FMNL2: variants seen among roughly 807,000 people sequenced by gnomAD.
FMNL2 encodes the protein formin like 2.
In FMNL2, 51 loss-of-function variants were observed where a neutral mutation model predicts 130.2. The observed-to-expected ratio is 0.39, with a 90% CI of 0.31 to 0.49. The LOEUF (loss-of-function observed/expected upper bound fraction) is 0.49, where lower values mean the gene tolerates loss of function less well. Ranked by LOEUF, FMNL2 falls within the 20% of genes least tolerant of loss-of-function variation. FMNL2 has a pLI of 0.85. For synonymous variants in FMNL2, 465 were observed against 467.1 expected, an observed-to-expected ratio of 1.00 and a Z score of 0.06; for missense variants, 977 against 1,316.2, an observed-to-expected ratio of 0.74 and a Z score of 3.99.
intron 2 of FMNL2, among the ~76,000 whole-genome samples, chr2:152,530,127 G>A (rs1410095086): frequency 6.6e-6 from 1 of 152,132 alleles, no homozygotes; most frequent in Non-Finnish European, 1.5e-5. Flanking sequence ...TGGTTGTCTT[G>A]TTTAAAGTAA....
intron 12 of FMNL2, among the ~76,000 whole-genome samples, chr2:152,616,704 C>T (rs1463322810): frequency 6.6e-6 from 1 of 152,168 alleles, no homozygotes; most frequent in Non-Finnish European, 1.5e-5. Context: ...ACCAAGTTTA[C>T]TGTGTTACCA....
At position 152,573,285 on chromosome 2, in the gene FMNL2, A is replaced by G. The variant is rs369241092; in HGVS notation, c.597-1851A>G. Among the ~76,000 whole-genome samples the G allele has an allele frequency of 1.9e-4, 29 of 152,210 alleles. No homozygotes were observed. The East Asian group carries it at 2.7e-3, about 14-fold the overall frequency. ...TTATTCAGGGTGAGAAATGACACCT[A>G]TCTAGGACTGAAGCAGAAAATGCTG... On this transcript the variant is annotated intron_variant, in intron 6 of 25. Transcript: ENST00000288670.
In FMNL2 at chr2:152,470,446, G is replaced by A. The variant is rs774048790; in HGVS notation, c.118-51497G>A. The stretch of plus-strand genomic sequence containing the variant: ...GATTGCTGTCTACGATTTGTCAACC[G>A]TGGCTGACAACTAGGACGTGGGAAA... On this transcript the variant is annotated intron_variant, in intron 1 of 25. Transcript: ENST00000288670. Among the ~76,000 whole-genome samples the A allele has an allele frequency of 4.6e-5, 7 of 152,294 alleles. No homozygotes were observed. In the South Asian group the frequency reaches 1.0e-3, roughly 23 times the overall value.
chr2:152,638,370 G>A (rs532789140), intron 23 of FMNL2, among the ~76,000 whole-genome samples: 27 of 152,316 alleles, frequency 1.8e-4, no homozygotes, highest in African/African-American at 4.8e-4. Context: ...TCCTCCAGGC[G>A]TATCTTCATG....
intron 1 of FMNL2, among the ~76,000 whole-genome samples, chr2:152,375,175 A>G (rs1684086035): frequency 6.6e-6 from 1 of 152,222 alleles, no homozygotes; most frequent in Non-Finnish European, 1.5e-5. Flanking sequence ...CTACCTTTTC[A>G]TGGAGGAAGA....
chr2:152,514,697 G>A (rs936415790), intron 1 of FMNL2, among the ~76,000 whole-genome samples: 1 of 152,084 alleles, frequency 6.6e-6, no homozygotes, highest in Non-Finnish European at 1.5e-5. Flanking sequence ...TTAGCAATAA[G>A]TAATCATAAA....
intron 1 of FMNL2, among the ~76,000 whole-genome samples, chr2:152,455,854 A>G (rs757245640): frequency 3.3e-5 from 5 of 152,180 alleles, no homozygotes; most frequent in Non-Finnish European, 5.9e-5. Flanking sequence ...AGCTGAGACC[A>G]GAGGCAGGTG....
intron 1 of FMNL2, among the ~76,000 whole-genome samples, chr2:152,501,871 A>G (rs1024781001): frequency 1.3e-5 from 2 of 152,170 alleles, no homozygotes; most frequent in Admixed American, 6.5e-5. Context: ...TACACTTTGA[A>G]TGTGATCCAA....
chr2:152,615,047 T>G, intron 12 of FMNL2, 47 bp downstream of exon 12: 1 of 1,595,658 alleles, frequency 6.3e-7, no homozygotes, highest in East Asian at 2.2e-5. Flanking sequence ...TTCAGCTGGT[T>G]GCAAAGCAGA....
intron 1 of FMNL2, among the ~76,000 whole-genome samples, chr2:152,495,917 A>G (rs1039973340): frequency 6.6e-6 from 1 of 152,018 alleles, no homozygotes; most frequent in African/African-American, 2.4e-5. Flanking sequence ...GTAATTCCCC[A>G]TGTTTACCCC....
At chr2:152,395,600 A>T (rs937729486) in intron 1 of FMNL2, among the ~76,000 whole-genome samples, 3 of 152,198 alleles carry the variant, frequency 2.0e-5, no homozygotes, top group Non-Finnish European at 4.4e-5. Context: ...ACTAGACTAC[A>T]ATGGTACACT....
chr2:152,641,183 A>AT (rs112631958), intron 25 of FMNL2, among the ~76,000 whole-genome samples: 142 of 149,536 alleles, frequency 9.5e-4, no homozygotes, highest in Middle Eastern at 7.0e-3. Flanking sequence ...ATCATGCTCC[A>AT]TTTTTTTTTT....
intron 1 of FMNL2, among the ~76,000 whole-genome samples, chr2:152,422,867 T>C (rs991122462): frequency 6.6e-6 from 1 of 152,150 alleles, no homozygotes; most frequent in Non-Finnish European, 1.5e-5. Flanking sequence ...GGTGCCACCA[T>C]TGCCACAATC....
At chr2:152,532,801 T>A in intron 2 of FMNL2, among the ~76,000 whole-genome samples, 1 of 151,930 alleles carries the variant, frequency 6.6e-6, no homozygotes, top group Non-Finnish European at 1.5e-5. Context: ...AGAGACAGGG[T>A]TTCACCACGT....
At chr2:152,623,173 C>G (rs1270654587) in intron 15 of FMNL2, among the ~76,000 whole-genome samples, 1 of 152,196 alleles carries the variant, frequency 6.6e-6, no homozygotes, top group East Asian at 1.9e-4. Flanking sequence ...CATGAGCCTA[C>G]CATGTCTGTG....
At chr2:152,420,927 T>C (rs1301457264) in intron 1 of FMNL2, among the ~76,000 whole-genome samples, 2 of 152,210 alleles carry the variant, frequency 1.3e-5, no homozygotes, top group South Asian at 2.1e-4. Flanking sequence ...GGTTTCGGAC[T>C]CAGATTTGCC....
At chr2:152,412,449 TATATATATATATATATATATATATATATA>T (rs1686352400) in intron 1 of FMNL2, among the ~76,000 whole-genome samples, 9 of 10,340 alleles carry the variant, frequency 8.7e-4, no homozygotes, top group South Asian at 4.8e-3. Context: ...GTATATTTTA[TATATATATATATATATATATATATATATA>T]TATATATATA....
At chr2:152,611,422 G>T (rs781225460) in intron 10 of FMNL2, 73 bp from the exon 11 acceptor site, 56 of 721,792 alleles carry the variant, frequency 7.8e-5, no homozygotes, top group Admixed American at 4.5e-4. Context: ...TTATGAAATT[G>T]AAAGCACATG....
chr2:152,415,179 A>C (rs919177355), intron 1 of FMNL2, among the ~76,000 whole-genome samples: 9 of 152,008 alleles, frequency 5.9e-5, no homozygotes, highest in Admixed American at 2.0e-4. Flanking sequence ...AAAAAAAAAA[A>C]ACAAAAAAAC....
Sources: gnomAD v4.1 joint callset for allele counts (sites outside exome capture counted in the v4.1 genomes callset) on GRCh38, gnomAD v4.1.1 for gene constraint, MANE v1.5 for transcripts, NCBI Gene and HGNC (gene_info 2026-07-23, HGNC 2026-07-21) for gene names.